CADPS: variants seen among roughly 807,000 people sequenced by gnomAD.
The protein encoded by CADPS is calcium-dependent secretion activator 1.
In CADPS, 57 loss-of-function variants were observed where a neutral mutation model predicts 167.3. The observed-to-expected ratio is 0.34, with a 90% confidence interval of 0.28 to 0.42. CADPS has a LOEUF of 0.42. Among genes scored for constraint, CADPS ranks in the 20% least tolerant of loss-of-function variants. The pLI is 1.00. For synonymous variants in CADPS, 676 were observed against 635.3 expected (o/e 1.06, Z -0.96); for missense variants, 1,414 against 1,738.1 (o/e 0.81, Z 3.32).
chr3:62,429,752 G>A (rs1247067079), intron 28 of CADPS, among the ~76,000 whole-genome samples: 1 of 152,008 alleles, frequency 6.6e-6, no homozygotes, highest in East Asian at 1.9e-4. Flanking sequence ...GTATTGTGTG[G>A]GTCATGTTAA....
chr3:62,735,644 T>G (rs184636523), intron 3 of CADPS, among the ~76,000 whole-genome samples: 16 of 152,278 alleles, frequency 1.1e-4, no homozygotes, highest in Admixed American at 2.6e-4. Flanking sequence ...AGAACTACAC[T>G]TCTCAGGTTT....
intron 3 of CADPS, among the ~76,000 whole-genome samples, chr3:62,685,068 C>T (rs2077761115): frequency 6.6e-6 from 1 of 151,942 alleles, no homozygotes; most frequent in South Asian, 2.1e-4. Flanking sequence ...GTTGAAAAGT[C>T]GCTATCAATG....
At chr3:62,698,341 C>T (rs1331789263) in intron 3 of CADPS, among the ~76,000 whole-genome samples, 2 of 152,136 alleles carry the variant, frequency 1.3e-5, no homozygotes, top group East Asian at 3.9e-4. Flanking sequence ...TCTTTGCACT[C>T]AAGTTACTTC....
Position 62,777,241 on chromosome 3 carries a change from T to C in CADPS, c.442-11257A>G, listed in dbSNP as rs561186254. 1.1e-4 allele frequency among the ~76,000 whole-genome samples: 17 copies of C among 152,150 alleles called. No homozygotes were observed. In the East Asian group the frequency reaches 3.3e-3, roughly 30 times the overall value. ...TGAAAATATCTGAATGCAGTCTATG[T>C]ACAGGTTATATGTGACGCTAATGTA... On this transcript the variant is annotated intron_variant, in intron 1 of 29. Transcript: ENST00000383710.
At chr3:62,702,535 C>G (rs4688317) in intron 3 of CADPS, among the ~76,000 whole-genome samples, 24,210 of 151,948 alleles carry the variant, frequency 0.16, 2,096 homozygotes, top group South Asian at 0.25. Flanking sequence ...GGAACACAGA[C>G]AAGGGAACAA....
chr3:62,656,817 T>C (rs918541101), intron 4 of CADPS, among the ~76,000 whole-genome samples: 10 of 152,192 alleles, frequency 6.6e-5, no homozygotes, highest in African/African-American at 2.4e-4. Context: ...CCAGCTTATT[T>C]ACCCAATTGG....
At position 62,853,309 on chromosome 3, in the gene CADPS, G is replaced by C. The variant is rs367701811; in HGVS notation, c.441+21280C>G. Among the ~76,000 whole-genome samples, 18 of 152,246 alleles carry C rather than the reference G, an allele frequency of 1.2e-4. 2 individuals are homozygous for C. In the South Asian group the frequency reaches 3.7e-3, roughly 32 times the overall value. ...TTCAGTCTTTATGGCCTATGGTCAA[G>C]AATATAGTGATATTCTTGTGAGAAA... is the stretch of plus-strand genomic sequence containing the variant. On this transcript the variant is annotated intron_variant, in intron 1 of 29. Transcript: ENST00000383710.
intron 4 of CADPS, among the ~76,000 whole-genome samples, chr3:62,659,798 T>A (rs1383195393): frequency 6.6e-6 from 1 of 152,180 alleles, no homozygotes; most frequent in Non-Finnish European, 1.5e-5. Context: ...ACCAGTTAGC[T>A]ATATAGCAAG....
At chr3:62,780,972 T>A (rs565753920) in intron 1 of CADPS, among the ~76,000 whole-genome samples, 45 of 152,340 alleles carry the variant, frequency 3.0e-4, no homozygotes, top group Admixed American at 1.4e-3. Context: ...TTAGTCGTTA[T>A]CTATATCTTA....
chr3:62,606,030 G>C (rs1182584972), intron 6 of CADPS, among the ~76,000 whole-genome samples: 2 of 152,004 alleles, frequency 1.3e-5, no homozygotes, highest in Non-Finnish European at 2.9e-5. Flanking sequence ...TGAGTGCCTG[G>C]AACACTTCCT....
rs1447676608 is a variant in CADPS at position 62,446,889 on chromosome 3, A to T, written c.3637-1092T>A. On this transcript the variant is annotated intron_variant, in intron 26 of 29. Coordinates refer to ENST00000383710, the MANE Select transcript of CADPS (RefSeq NM_003716.4). This position sits in a 1 kb window ranked among gnomAD's most constrained non-coding sequence, Gnocchi z 4.9. ...GGGAACTACAAAGACTGCAATGCACAAAAAGCAGTTAGGATGTCTTTTCAC... is the reference window on the plus strand; with the variant it reads ...GGGAACTACAAAGACTGCAATGCACTAAAAGCAGTTAGGATGTCTTTTCAC... Among the ~76,000 whole-genome samples the T allele has an allele frequency of 6.6e-6, 1 of 152,210 alleles. No individual in the cohort carries two copies. The highest frequency in any genetic ancestry group is 2.4e-5 in the African/African-American group (1 of 41,442).
rs764137505 is a variant in CADPS at position 62,492,459 on chromosome 3, G to A, written c.2728-13C>T. 1.9e-6 allele frequency: 3 copies of A among 1,610,074 alleles called. No individual in the cohort carries two copies. The highest frequency in any genetic ancestry group is 2.5e-6 in the Non-Finnish European group (3 of 1,177,380). On this transcript the variant is annotated splice_polypyrimidine_tract_variant and intron_variant, in intron 19 of 29. Coordinates refer to ENST00000383710, the MANE Select transcript of CADPS (RefSeq NM_003716.4). ...ACCACGCAAAGGCCTTTAAAATTTG[G>A]CAGAAAAACAATAGACAAAGAAGTG...
intron 18 of CADPS, 74 bp from the exon 19 acceptor site, chr3:62,493,739 C>A (rs371590590): frequency 2.8e-5 from 33 of 1,180,612 alleles, no homozygotes; most frequent in Non-Finnish European, 3.7e-5. Context: ...GAAATAGACA[C>A]CTGCTGTTTC....
intron 24 of CADPS, among the ~76,000 whole-genome samples, chr3:62,467,544 C>T (rs570079326): frequency 3.9e-5 from 6 of 151,936 alleles, no homozygotes; most frequent in Non-Finnish European, 8.8e-5. Flanking sequence ...GAATCATAGG[C>T]GAGGTTTGTT....
At chr3:62,681,655 A>G (rs536703876) in intron 3 of CADPS, among the ~76,000 whole-genome samples, 3 of 152,014 alleles carry the variant, frequency 2.0e-5, no homozygotes, top group Non-Finnish European at 4.4e-5. Flanking sequence ...GGTGGGCAAG[A>G]TTTTTGTTGT....
chr3:62,737,768 C>T (rs572721689), intron 3 of CADPS, among the ~76,000 whole-genome samples: 2 of 152,244 alleles, frequency 1.3e-5, no homozygotes, highest in East Asian at 3.9e-4. Context: ...TCATCAAAAG[C>T]ACTTCCTTTT....
chr3:62,474,860 A>G (rs1404987131), intron 23 of CADPS, among the ~76,000 whole-genome samples: 3 of 152,214 alleles, frequency 2.0e-5, no homozygotes, highest in Non-Finnish European at 4.4e-5. Flanking sequence ...CATTGCTTTA[A>G]AGACTACAAA....
At chr3:62,521,537 T>C (rs1039064254) in intron 13 of CADPS, among the ~76,000 whole-genome samples, 2 of 152,214 alleles carry the variant, frequency 1.3e-5, no homozygotes, top group Admixed American at 6.5e-5. Flanking sequence ...CTGCATCTTG[T>C]TCCTTTCTCA....
intron 11 of CADPS, among the ~76,000 whole-genome samples, chr3:62,542,753 A>C (rs1299980881): frequency 6.6e-6 from 1 of 152,192 alleles, no homozygotes; most frequent in East Asian, 1.9e-4. Flanking sequence ...CAATACCCCC[A>C]AAAGGATAAG....
Sources: gnomAD v4.1 joint callset for allele counts (sites outside exome capture counted in the v4.1 genomes callset) on GRCh38, gnomAD v4.1.1 for gene constraint, Gnocchi (gnomAD v3.1) non-coding constraint, MANE v1.5 for transcripts, NCBI Gene and HGNC (gene_info 2026-07-23, HGNC 2026-07-21) for gene names.